The following CLUAP1 variants were observed in gnomAD, a reference collection of about 807,000 sequenced individuals.
CLUAP1 encodes intraflagellar transport 38.
A neutral mutation model predicts 55.0 loss-of-function variants in CLUAP1; 50 were observed. The observed-to-expected ratio is 0.91, with a 90% CI of 0.72 to 1.15. The LOEUF is 1.15. CLUAP1 is among the 50% of genes most tolerant of loss of function. The pLI is 0.00. For synonymous variants in CLUAP1, 195 were observed against 175.4 expected (o/e 1.11, Z -0.88); for missense variants, 530 against 507.6 (o/e 1.04, Z -0.42).
intron 8 of CLUAP1, among the ~76,000 whole-genome samples, chr16:3,523,684 G>A (rs1351217541): frequency 6.6e-6 from 1 of 152,170 alleles, no homozygotes; most frequent in Admixed American, 6.5e-5. Flanking sequence ...AAATTATGTA[G>A]CTGGTCTCGA....
intron 4 of CLUAP1, among the ~76,000 whole-genome samples, chr16:3,508,743 A>C (rs1186764288): frequency 6.6e-6 from 1 of 152,188 alleles, no homozygotes; most frequent in Admixed American, 6.5e-5. Context: ...CTCTTCAGTT[A>C]GGGGAGTCAG....
At chr16:3,507,813 G>A (rs1429170259) in intron 3 of CLUAP1, among the ~76,000 whole-genome samples, 1 of 151,442 alleles carries the variant, frequency 6.6e-6, no homozygotes, top group Non-Finnish European at 1.5e-5. Context: ...TTAGCATCTT[G>A]CTTTACTTAA....
intron 7 of CLUAP1, among the ~76,000 whole-genome samples, chr16:3,521,472 T>C (rs1284045716): frequency 1.3e-5 from 2 of 151,668 alleles, no homozygotes; most frequent in Admixed American, 6.6e-5. Context: ...TTCGCTCTTG[T>C]TGCCGAGGCT....
Position 3,538,528 on chromosome 16 carries a change from A to G in CLUAP1, c.*2257A>G, listed in dbSNP as rs565905252. On this transcript the variant is annotated 3_prime_UTR_variant, in exon 12 of 12. Transcript: ENST00000576634. ...TGTGACTTGACTTCTGTTTTGAAAAAACATACGAATAGAGTTCTATTTTCC... is the reference window on the plus strand; with the variant it reads ...TGTGACTTGACTTCTGTTTTGAAAAGACATACGAATAGAGTTCTATTTTCC... 1.3e-5 allele frequency: 2 copies of G among 152,266 alleles called. No individual in the cohort carries two copies. Among genetic ancestry groups the G allele is most frequent in the Non-Finnish European group, 2.9e-5 (2 of 68,026 alleles). The allele number at this position is 152,266 out of a possible 1,614,324, so 9.4% of individuals were successfully genotyped here.
upstream of CLUAP1, chr16:3,496,357 G>A (rs1165899482): frequency 1.7e-6 from 2 of 1,145,730 alleles, no homozygotes; most frequent in African/African-American, 3.1e-5. Flanking sequence ...TGAAGAGGTT[G>A]TTTATGAGTC....
At chr16:3,497,274 CAA>C (rs1490087547), upstream of CLUAP1, among the ~76,000 whole-genome samples, 4 of 151,092 alleles carry the variant, frequency 2.6e-5, no homozygotes, top group Admixed American at 1.3e-4. Flanking sequence ...AGAAAAATCT[CAA>C]GTCATAAAAT....
At chr16:3,507,148 A>G (rs1486878339) in intron 3 of CLUAP1, among the ~76,000 whole-genome samples, 1 of 151,758 alleles carries the variant, frequency 6.6e-6, no homozygotes, top group Non-Finnish European at 1.5e-5. Flanking sequence ...GTGAGCCGAG[A>G]TCACGCCACT....
At chr16:3,524,596 CAAAAAAAAAAAAAA>C (rs755040158) in intron 8 of CLUAP1, among the ~76,000 whole-genome samples, 4 of 34,292 alleles carry the variant, frequency 1.2e-4, no homozygotes, top group African/African-American at 3.3e-4. Context: ...GACACCATCT[CAAAAAAAAAAAAAA>C]AAAAAAAAAA....
At chr16:3,529,773 TTATATATTATATAA>T (rs1287430239) in intron 9 of CLUAP1, among the ~76,000 whole-genome samples, 2 of 56,150 alleles carry the variant, frequency 3.6e-5, no homozygotes, top group Non-Finnish European at 6.0e-5. Flanking sequence ...TATTATATTA[TTATATATTATATAA>T]TATATATTAT....
At position 3,530,555 on chromosome 16, in the gene CLUAP1, G is replaced by A. The variant is rs753323768; in HGVS notation, c.929-13G>A. 10 of 1,605,484 alleles carry A rather than the reference G, an allele frequency of 6.2e-6. No individual in the cohort carries two copies. The South Asian group carries it at 9.9e-5, about 16-fold the overall frequency. ...AGCCACTCCTTTGTTTTGCCTGCTTGTGTTCCTGCTAGGTAACGATGACTC... is the reference window on the plus strand; with the variant it reads ...AGCCACTCCTTTGTTTTGCCTGCTTATGTTCCTGCTAGGTAACGATGACTC... On this transcript the variant is annotated splice_polypyrimidine_tract_variant and intron_variant, in intron 9 of 11. Transcript: ENST00000576634.
At chr16:3,534,086 A>G (rs2038183446) in intron 11 of CLUAP1, 2 of 152,366 alleles carry the variant, frequency 1.3e-5, no homozygotes, top group South Asian at 4.1e-4. Context: ...TGCCTGCCAC[A>G]TGCCAGTGCT....
At chr16:3,529,497 A>ATATTATATATATTATATAATTATATAT (rs2038022883) in intron 9 of CLUAP1, among the ~76,000 whole-genome samples, 1 of 73,788 alleles carries the variant, frequency 1.4e-5, no homozygotes, top group Non-Finnish European at 2.4e-5. Flanking sequence ...TAATTATATT[A>ATATTATATATATTATATAATTATATAT]TATTATATAT....
intron 9 of CLUAP1, among the ~76,000 whole-genome samples, chr16:3,527,838 G>A (rs891305159): frequency 6.6e-6 from 1 of 152,116 alleles, no homozygotes; most frequent in Non-Finnish European, 1.5e-5. Context: ...AGGCAGGGAA[G>A]GGCCCCCTGT....
intron 5 of CLUAP1, 28 bp downstream of exon 5, chr16:3,512,506 T>G: frequency 6.5e-7 from 1 of 1,540,808 alleles, no homozygotes; most frequent in Non-Finnish European, 9.0e-7. Context: ...TCCTTAACCA[T>G]GCAGATTTTC....
At chr16:3,509,199 T>G (rs551752274) in intron 4 of CLUAP1, among the ~76,000 whole-genome samples, 1 of 152,138 alleles carries the variant, frequency 6.6e-6, no homozygotes, top group Non-Finnish European at 1.5e-5. Context: ...AGTCAAGCCA[T>G]GTTCATGGCA....
At chr16:3,529,464 T>C in intron 9 of CLUAP1, among the ~76,000 whole-genome samples, 1 of 75,656 alleles carries the variant, frequency 1.3e-5, no homozygotes, top group South Asian at 3.1e-4. Flanking sequence ...TTATATATAA[T>C]ATATATTATA....
chr16:3,520,677 G>T (rs540827894), intron 7 of CLUAP1, among the ~76,000 whole-genome samples: 102 of 152,280 alleles, frequency 6.7e-4, no homozygotes, highest in African/African-American at 2.4e-3. Context: ...CTAAGATCTT[G>T]CCATAAATTA....
At chr16:3,517,856 G>A (rs1036310077) in intron 6 of CLUAP1, among the ~76,000 whole-genome samples, 7 of 152,190 alleles carry the variant, frequency 4.6e-5, no homozygotes, top group Admixed American at 4.6e-4. Flanking sequence ...CTCCCAGAGT[G>A]AAAAGGTTCT....
chr16:3,513,270 C>A (rs1282808892), intron 5 of CLUAP1, among the ~76,000 whole-genome samples: 1 of 152,150 alleles, frequency 6.6e-6, no homozygotes, highest in South Asian at 2.1e-4. Flanking sequence ...CCGGGTGATT[C>A]TAACAGCAGT....
Sources: gnomAD v4.1 joint callset for allele counts (sites outside exome capture counted in the v4.1 genomes callset) on GRCh38, gnomAD v4.1.1 for gene constraint, MANE v1.5 for transcripts, NCBI Gene and HGNC (gene_info 2026-07-23, HGNC 2026-07-21) for gene names.